Variants in DRC4 observed in about 807,000 individuals in gnomAD.
DRC4 encodes the protein GAS-11.
At chr16:90,043,198 C>G in the DRC4 span, 6 of 1,610,930 alleles carry the variant, frequency 3.7e-6, no homozygotes, top group African/African-American at 2.7e-5. Context: ...CTCCACAGGC[C>G]CATAACGACC....
the DRC4 span, chr16:90,044,036 C>T: frequency 2.3e-6 from 1 of 434,188 alleles, no homozygotes; most frequent in Non-Finnish European, 4.7e-6. Context: ...AGCAGCAAAC[C>T]ACCTATCTGG....
chr16:90,035,895 T>A, the DRC4 span: 1 of 1,457,806 alleles, frequency 6.9e-7, no homozygotes, highest in East Asian at 2.5e-5. Flanking sequence ...TTTGGGAGGC[T>A]GTGATTACCA....
At chr16:90,036,215 G>GA in the DRC4 span, 2 of 644,004 alleles carry the variant, frequency 3.1e-6, no homozygotes, top group African/African-American at 3.7e-5. Context: ...AGCATCAGCA[G>GA]AAAAACTCAG....
At chr16:90,032,205 G>C in the DRC4 span, among the ~76,000 whole-genome samples, 6 of 150,754 alleles carry the variant, frequency 4.0e-5, no homozygotes, top group African/African-American at 1.5e-4. Flanking sequence ...TGTGTTACAG[G>C]TACGGTGCAG....
chr16:90,028,434 C>T, the DRC4 span, among the ~76,000 whole-genome samples: 1 of 151,604 alleles, frequency 6.6e-6, no homozygotes. Context: ...GTGATCCACT[C>T]GCCTCGGCCT....
At chr16:90,020,011 G>T in the DRC4 span, 1 of 699,504 alleles carries the variant, frequency 1.4e-6, no homozygotes, top group African/African-American at 1.8e-5. Context: ...AGGCAGTTTC[G>T]ATGAAACTGA....
At chr16:90,036,926 G>C in the DRC4 span, 1 of 553,818 alleles carries the variant, frequency 1.8e-6, no homozygotes, top group Non-Finnish European at 3.2e-6. Flanking sequence ...TGCGACAGGT[G>C]GATAGGTGTC....
chr16:90,029,107 G>A, the DRC4 span: 5 of 1,315,342 alleles, frequency 3.8e-6, no homozygotes, highest in Non-Finnish European at 5.0e-6. Context: ...TTCCTGTGGA[G>A]ACAGGCCTTG....
chr16:90,027,367 C>T, the DRC4 span, among the ~76,000 whole-genome samples: 3 of 152,108 alleles, frequency 2.0e-5, no homozygotes, highest in Non-Finnish European at 4.4e-5. Context: ...GGATTACAGG[C>T]GTGAGCCACC....
At chr16:90,026,901 T>C in the DRC4 span, among the ~76,000 whole-genome samples, 202 of 151,754 alleles carry the variant, frequency 1.3e-3, 5 homozygotes, top group South Asian at 0.038. Context: ...CTTTTCTTTT[T>C]TTTTTTTTTT....
the DRC4 span, chr16:90,043,608 CCA>C: frequency 1.6e-6 from 1 of 607,072 alleles, no homozygotes; most frequent in Non-Finnish European, 3.1e-6. Flanking sequence ...TCACCTCCGA[CCA>C]CAGTCGGCGG....
the DRC4 span, chr16:90,027,556 A>C: frequency 7.0e-7 from 1 of 1,434,056 alleles, no homozygotes; most frequent in Non-Finnish European, 9.8e-7. Context: ...TTCTCTGCCA[A>C]ATGTTCCTGG....
At chr16:90,022,034 T>C in the DRC4 span, 1 of 152,200 alleles carries the variant, frequency 6.6e-6, no homozygotes, top group Admixed American at 6.5e-5. Flanking sequence ...TGGCAGCTGT[T>C]TGTTTTCTGC....
the DRC4 span, chr16:90,044,799 C>T: frequency 6.7e-6 from 2 of 299,954 alleles, no homozygotes; most frequent in Non-Finnish European, 1.3e-5. Context: ...ACACCACTGC[C>T]CTGTCTTTAG....
chr16:90,042,587 G>T, the DRC4 span: 3 of 1,499,626 alleles, frequency 2.0e-6, no homozygotes, highest in African/African-American at 4.1e-5. Flanking sequence ...TGCCCAGACT[G>T]TTCTAAATGC....
At chr16:90,025,401 C>T in the DRC4 span, among the ~76,000 whole-genome samples, 1 of 151,150 alleles carries the variant, frequency 6.6e-6, no homozygotes, top group Non-Finnish European at 1.5e-5. Flanking sequence ...CCTGTAATCC[C>T]AGCACTTTGG....
At chr16:90,027,747 G>C in the DRC4 span, 1 of 1,609,006 alleles carries the variant, frequency 6.2e-7, no homozygotes, top group Non-Finnish European at 8.5e-7. Context: ...CTGTGGCCCA[G>C]TCCCCGGGTG....
the DRC4 span, among the ~76,000 whole-genome samples, chr16:90,041,067 C>T: frequency 3.3e-5 from 5 of 152,262 alleles, no homozygotes; most frequent in East Asian, 1.9e-4. Context: ...AGTGAGGGTC[C>T]CACTGTTGGG....
At chr16:90,021,874 A>AG in the DRC4 span, among the ~76,000 whole-genome samples, 23 of 127,258 alleles carry the variant, frequency 1.8e-4, 1 homozygote, top group South Asian at 5.0e-3. Context: ...AAAAAAAAAA[A>AG]AAGCACCTGT....
Sources: gnomAD v4.1 joint callset for allele counts (sites outside exome capture counted in the v4.1 genomes callset) on GRCh38, gnomAD v4.1.1 for gene constraint, MANE v1.5 for transcripts, NCBI Gene and HGNC (gene_info 2026-07-23, HGNC 2026-07-21) for gene names.